The following NEK10 variants were observed in gnomAD, a reference collection of about 807,000 sequenced individuals.
The protein encoded by NEK10 is NIMA related kinase 10.
A neutral mutation model predicts 159.8 loss-of-function variants in NEK10; 122 were observed. The ratio of observed to expected loss-of-function variants is 0.76; its 90% CI spans 0.66 to 0.89. The LOEUF is 0.89. NEK10 is among the 40% of genes least tolerant of loss of function. NEK10 has a pLI of 0.00. For synonymous variants in NEK10, 466 were observed against 457.1 expected (o/e 1.02, Z -0.25); for missense variants, 1,342 against 1,323.1 (o/e 1.01, Z -0.22).
At chr3:27,173,996 T>C (rs1947266945) in intron 28 of NEK10, among the ~76,000 whole-genome samples, 1 of 152,212 alleles carries the variant, frequency 6.6e-6, no homozygotes, top group Non-Finnish European at 1.5e-5. Context: ...AAAAAATTTC[T>C]TTTATTTTAT....
At chr3:27,312,202 GC>G in intron 7 of NEK10, 25 bp from the exon 8 acceptor site, 1 of 1,501,748 alleles carries the variant, frequency 6.7e-7, no homozygotes. Flanking sequence ...AAACCAACAA[GC>G]CAGTCAGGAC....
chr3:27,257,788 CTT>C (rs79727702), intron 22 of NEK10, among the ~76,000 whole-genome samples: 69 of 130,510 alleles, frequency 5.3e-4, no homozygotes, highest in Admixed American at 3.0e-3. Flanking sequence ...TTTCTTTTTT[CTT>C]TTTTTTTTTT....
At chr3:27,282,705 ATATATATATACATAACTGTGT>A (rs1559423255) in intron 22 of NEK10, among the ~76,000 whole-genome samples, 18 of 137,784 alleles carry the variant, frequency 1.3e-4, no homozygotes, top group East Asian at 2.1e-4. Flanking sequence ...TAACTGTGTT[ATATATATATACATAACTGTGT>A]TATATATATA....
At chr3:27,300,722 A>G (rs1184312483) in intron 13 of NEK10, among the ~76,000 whole-genome samples, 1 of 152,088 alleles carries the variant, frequency 6.6e-6, no homozygotes, top group African/African-American at 2.4e-5. Context: ...CACTCTTTGA[A>G]TGATTGCTAG....
intron 25 of NEK10, among the ~76,000 whole-genome samples, chr3:27,193,895 C>A (rs1949340396): frequency 6.6e-6 from 1 of 152,036 alleles, no homozygotes; most frequent in Non-Finnish European, 1.5e-5. Flanking sequence ...CTATGATCTC[C>A]CAGCATATAC....
intron 31 of NEK10, among the ~76,000 whole-genome samples, chr3:27,138,298 T>C (rs576897969): frequency 1.9e-4 from 29 of 152,268 alleles, no homozygotes; most frequent in African/African-American, 6.3e-4. Context: ...TGATTCCCAG[T>C]AAGTTCCAGG....
At chr3:27,309,152 T>TTTC in intron 9 of NEK10, 147 bp from the exon 10 acceptor site, 1 of 513,938 alleles carries the variant, frequency 1.9e-6, no homozygotes. Flanking sequence ...CTGTTTTTTT[T>TTTC]TTTTGCTTAG....
At chr3:27,280,440 C>A (rs532888014) in intron 22 of NEK10, among the ~76,000 whole-genome samples, 12 of 152,224 alleles carry the variant, frequency 7.9e-5, no homozygotes, top group African/African-American at 2.6e-4. Context: ...CCCTCTGCCA[C>A]TAACAGAAAA....
At chr3:27,116,239 A>G in intron 33 of NEK10, 112 bp from the exon 34 acceptor site, 1 of 918,590 alleles carries the variant, frequency 1.1e-6, no homozygotes, top group African/African-American at 1.7e-5. Flanking sequence ...TTTCTTAATG[A>G]TAAAGATGGA....
At chr3:27,140,414 T>C (rs1943667389) in intron 31 of NEK10, among the ~76,000 whole-genome samples, 1 of 152,212 alleles carries the variant, frequency 6.6e-6, no homozygotes, top group African/African-American at 2.4e-5. Flanking sequence ...AGCCATTTAC[T>C]AGAGTGACTG....
rs1341355304 is a variant in NEK10 at position 27,291,220 on chromosome 3, T to A, written c.1605+42A>T. ...TCGGTGTGCAAGTGTGACATCCGGT[T>A]TGGTTGGGAGTATCAGAAATGTTCC... On this transcript the variant is annotated intron_variant, in intron 18 of 35. Coordinates refer to ENST00000691995, the MANE Select transcript of NEK10 (RefSeq NM_001394966.1). 1.9e-6 allele frequency: 3 copies of A among 1,580,048 alleles called. No individual in the cohort carries two copies. The African/African-American group carries it at 4.1e-5, about 22-fold the overall frequency.
In NEK10 at chr3:27,204,405, C is replaced by G. The variant is rs563552668; in HGVS notation, c.2091-1848G>C. Among the ~76,000 whole-genome samples, 365 of 123,646 alleles carry G rather than the reference C, an allele frequency of 3.0e-3. 5 individuals carry two copies. Among genetic ancestry groups the G allele is most frequent in the African/African-American group, 0.011 (348 of 33,134 alleles). The allele number at this position is 123,646 out of a possible 152,430, so 81.1% of individuals were successfully genotyped here. A position where few individuals can be genotyped will look rare whatever the true frequency, so the allele number is the denominator to read the frequency against. ...ACATGTGCCATGCTGGTGCGCTGCA[C>G]CCACTAACTCGTCATCTAGCATTAG... On this transcript the variant is annotated intron_variant, in intron 23 of 35. Coordinates refer to ENST00000691995, the MANE Select transcript of NEK10 (RefSeq NM_001394966.1).
intron 8 of NEK10, 106 bp downstream of exon 8, chr3:27,311,993 C>T (rs1349429956): frequency 7.9e-6 from 6 of 757,136 alleles, no homozygotes; most frequent in South Asian, 3.0e-5. Flanking sequence ...GCTGTGTGTG[C>T]GAACATTAAT....
At chr3:27,176,774 C>T (rs1947546393) in intron 26 of NEK10, among the ~76,000 whole-genome samples, 1 of 152,134 alleles carries the variant, frequency 6.6e-6, no homozygotes, top group African/African-American at 2.4e-5. Context: ...GCATCTGCAA[C>T]CTTTTCAGGA....
At chr3:27,204,275 C>CTTT (rs1203026508) in intron 23 of NEK10, among the ~76,000 whole-genome samples, 435 of 63,692 alleles carry the variant, frequency 6.8e-3, no homozygotes, top group Non-Finnish European at 9.4e-3. Flanking sequence ...GATAAATTTT[C>CTTT]TTTTTTTTTT....
intron 23 of NEK10, chr3:27,252,977 T>C (rs749958313): frequency 2.2e-6 from 1 of 451,144 alleles, no homozygotes; most frequent in Non-Finnish European, 4.4e-6. Context: ...TATTATAGCT[T>C]TCTTAAGAAT....
At chr3:27,190,549 G>A (rs1049333253) in intron 26 of NEK10, among the ~76,000 whole-genome samples, 4 of 152,144 alleles carry the variant, frequency 2.6e-5, no homozygotes, top group African/African-American at 9.7e-5. Context: ...CCTTCTCAAG[G>A]TGTTTTGCTA....
Position 27,115,941 on chromosome 3 carries a change from T to A in NEK10, c.3298A>T (p.Arg1100Trp). Residue 1100 changes from arginine (R) to tryptophan (W), a missense_variant and splice_region_variant, in exon 35 of 36, where the codon AGG becomes TGG. Coordinates refer to ENST00000691995, the MANE Select transcript of NEK10 (RefSeq NM_001394966.1). ...ESGYYNFTSN[R>W]YHSYPWGTKN... ...TTGAAGGCAAACTCTAGCTCTTACC[T>A]GTTAGATGTAAAATTGTAATAGCCA... is the stretch of plus-strand genomic sequence containing the variant. 1 of 1,609,298 alleles carries A rather than the reference T, an allele frequency of 6.2e-7. No individual in the cohort carries two copies.
chr3:27,256,497 C>T (rs1428682609), intron 22 of NEK10, 126 bp from the exon 23 acceptor site: 1 of 427,918 alleles, frequency 2.3e-6, no homozygotes, highest in East Asian at 3.6e-5. Flanking sequence ...TTTCTTAATG[C>T]TATATATTTT....
Sources: allele counts gnomAD v4.1 joint callset (sites outside exome capture counted in the v4.1 genomes callset), GRCh38; gene constraint gnomAD v4.1.1; transcripts MANE v1.5; gene names NCBI Gene and HGNC (gene_info 2026-07-23, HGNC 2026-07-21).